The following DNASE1 variants were observed in gnomAD, a reference collection of about 807,000 sequenced individuals.
DNASE1 encodes the protein deoxyribonuclease 1, also known as deoxyribonuclease-1.
In DNASE1, 40 loss-of-function variants were observed where a neutral mutation model predicts 33.9. The ratio of observed to expected loss-of-function variants is 1.18; its 90% CI spans 0.92 to 1.54. The LOEUF (loss-of-function observed/expected upper bound fraction) is 1.54. Ranked by LOEUF, DNASE1 falls within the 40% of genes most tolerant of loss-of-function variation. The pLI is 0.00. For missense variants in DNASE1, 518 were observed against 372.6 expected (o/e 1.39, Z -3.21); for synonymous variants, 216 against 160.0 (o/e 1.35, Z -2.64).
chr16:3,623,780 A>C (rs1010257515), intron 1 of DNASE1, among the ~76,000 whole-genome samples: 1 of 152,166 alleles, frequency 6.6e-6, no homozygotes, highest in African/African-American at 2.4e-5. Flanking sequence ...AAGTGAAGAC[A>C]TACAAGCGGC....
At chr16:3,645,805 A>G (rs2042156574) in intron 1 of DNASE1, among the ~76,000 whole-genome samples, 2 of 152,208 alleles carry the variant, frequency 1.3e-5, no homozygotes, top group Non-Finnish European at 2.9e-5. Flanking sequence ...TTTCTTTATT[A>G]TAAACAGAAA....
At chr16:3,639,032 T>C (rs146930123), upstream of DNASE1, among the ~76,000 whole-genome samples, 6 of 152,224 alleles carry the variant, frequency 3.9e-5, no homozygotes, top group South Asian at 2.1e-4. Context: ...TGTCCTTGTC[T>C]GCTAGTTCCT....
rs76131562 is a variant in DNASE1, at chr16:3,618,855, G to A, written c.-1359+6849G>A. 1.0e-2 allele frequency among the ~76,000 whole-genome samples: 1,522 copies of A among 152,212 alleles called. 25 individuals are homozygous for A. The highest frequency in any genetic ancestry group is 0.035 in the African/African-American group (1,452 of 41,522). ...TTACACTGAACATTTGCTTATTTCCGTTTTGTAATTTTTTTTTAGTGACAA... is the reference window on the plus strand; with the variant it reads ...TTACACTGAACATTTGCTTATTTCCATTTTGTAATTTTTTTTTAGTGACAA... On this transcript the variant is annotated intron_variant and NMD_transcript_variant, in intron 1 of 11. Coordinates refer to the DNASE1 transcript ENST00000570769.
chr16:3,630,819 T>TAG (rs1377723774), intron 1 of DNASE1, among the ~76,000 whole-genome samples: 3 of 152,006 alleles, frequency 2.0e-5, no homozygotes, highest in Non-Finnish European at 4.4e-5. Context: ...CTGAGCAACA[T>TAG]AGAGAGACCC....
chr16:3,649,756 T>A (rs766214455), upstream of DNASE1, among the ~76,000 whole-genome samples: 1 of 152,166 alleles, frequency 6.6e-6, no homozygotes, highest in African/African-American at 2.4e-5. Flanking sequence ...CTGGGTAGTG[T>A]CCTGGGACCC....
rs778516895 is a variant in DNASE1, at chr16:3,657,337, G to C, written c.700G>C (p.Asp234His). 4 of 1,613,096 alleles carry C rather than the reference G, an allele frequency of 2.5e-6. No homozygotes were observed. In the South Asian group the frequency reaches 3.3e-5, roughly 13 times the overall value. The change falls in exon 7 of 9, where the codon GAC becomes CAC. Residue 234 changes from aspartate to histidine, a missense_variant. Physicochemically the swap from Asp to His is moderately conservative, Grantham distance 81. Transcript: ENST00000246949. ...TTATPTHCAY[D>H]RIVVAGMLLR... ...AGCTACACCCACGCACTGTGCCTAT[G>C]ACAGGTGAGCAGGGCCTCGCGCTTA...
At chr16:3,642,289 C>T (rs561707057), upstream of DNASE1, among the ~76,000 whole-genome samples, 6 of 152,362 alleles carry the variant, frequency 3.9e-5, no homozygotes, top group African/African-American at 1.4e-4. Context: ...CTGCCATGCC[C>T]TCCCATTAGG....
intron 4 of DNASE1, among the ~76,000 whole-genome samples, chr16:3,656,416 C>G (rs1395765808): frequency 8.1e-6 from 1 of 123,828 alleles, no homozygotes; most frequent in African/African-American, 3.4e-5. Flanking sequence ...GAGCAGGTGC[C>G]TGGCTCCCCC....
chr16:3,658,465 C>T (rs750841749), downstream of DNASE1: 39 of 580,944 alleles, frequency 6.7e-5, no homozygotes, highest in Middle Eastern at 4.5e-4. Flanking sequence ...CGGTGGCTCA[C>T]GAGGTCAGGA....
chr16:3,626,962 C>T (rs978999143), intron 1 of DNASE1, among the ~76,000 whole-genome samples: 1 of 152,046 alleles, frequency 6.6e-6, no homozygotes, highest in East Asian at 1.9e-4. Context: ...GCTTTGAACT[C>T]CTGAGCTCCA....
intron 1 of DNASE1, among the ~76,000 whole-genome samples, chr16:3,618,174 A>T (rs112421201): frequency 1.3e-5 from 2 of 151,938 alleles, no homozygotes; most frequent in Non-Finnish European, 2.9e-5. Context: ...GATGATCAGC[A>T]TCATGAATCG....
Position 3,658,005 on chromosome 16 carries a change from C to T in DNASE1, c.*52C>T. On this transcript the variant is annotated 3_prime_UTR_variant, in exon 9 of 9. Transcript: ENST00000246949. ...TGCAGGAAGAGAGGACCCATCCTGC[C>T]ACAGGACCCAGAAAAAAAGCCCAAC... 6.2e-7 allele frequency: 1 copy of T among 1,611,738 alleles called. No individual in the cohort carries two copies. Among genetic ancestry groups the T allele is most frequent in the South Asian group, 1.1e-5 (1 of 90,902 alleles).
chr16:3,655,564 A>G, intron 2 of DNASE1, 44 bp downstream of exon 2: 1 of 1,613,122 alleles, frequency 6.2e-7, no homozygotes, highest in Non-Finnish European at 8.5e-7. Flanking sequence ...GGAGCTCTGG[A>G]GTCTAGGGCT....
At chr16:3,640,346 C>T (rs997842867), upstream of DNASE1, among the ~76,000 whole-genome samples, 2 of 152,214 alleles carry the variant, frequency 1.3e-5, no homozygotes, top group African/African-American at 2.4e-5. Context: ...CAAATAGCAG[C>T]AGCCTTGGCC....
chr16:3,657,744 C>T lies in DNASE1; in HGVS notation c.729C>T (p.Leu243=), dbSNP rs949035427. ...YDRIVVAGML[L]RGAVVPDSAL... ...GGATCGTGGTTGCAGGGATGCTGCT[C>T]CGAGGCGCCGTTGTTCCCGACTCGG... Residue 243 remains leucine, a synonymous_variant, in exon 8 of 9, where the codon CTC becomes CTT. Transcript: ENST00000246949. 6 of 1,613,782 alleles carry T rather than the reference C, an allele frequency of 3.7e-6. No homozygotes were observed. The highest frequency in any genetic ancestry group is 5.1e-6 in the Non-Finnish European group (6 of 1,179,952).
At position 3,657,032 on chromosome 16, in the gene DNASE1, C is replaced by T. The variant is rs143407371; in HGVS notation, c.470C>T (p.Ala157Val). The change falls in exon 6 of 9, where the codon GCG becomes GTG. Residue 157 changes from alanine to valine, a missense_variant. By Grantham distance (64) the Ala-to-Val change is moderately conservative. Coordinates refer to ENST00000246949, the MANE Select transcript of DNASE1 (RefSeq NM_005223.4). Reference protein sequence around the residue: ...VREFAIVPLHAAPGDAVAEID... With the variant: ...VREFAIVPLHVAPGDAVAEID... ...GAGTTTGCCATTGTTCCCCTGCATG[C>T]GGCCCCGGGGGACGCAGTAGCCGAG... is the stretch of plus-strand genomic sequence containing the variant. The T allele has an allele frequency of 3.0e-5, 48 of 1,613,524 alleles. 1 individual carries two copies. Among genetic ancestry groups the T allele is most frequent in the Non-Finnish European group, 3.8e-5 (45 of 1,179,916 alleles).
intron 1 of DNASE1, among the ~76,000 whole-genome samples, chr16:3,646,910 C>T (rs2151199196): frequency 6.6e-6 from 1 of 152,104 alleles, no homozygotes; most frequent in East Asian, 1.9e-4. Flanking sequence ...ATGGTGGTGG[C>T]ACTATAGACA....
chr16:3,612,833 G>A (rs2040950790), intron 1 of DNASE1, among the ~76,000 whole-genome samples: 1 of 152,190 alleles, frequency 6.6e-6, no homozygotes, highest in African/African-American at 2.4e-5. Flanking sequence ...GGAGCGAAAA[G>A]AATGGAGAAA....
exon 10 of DNASE1, chr16:3,664,572 C>A: frequency 1.6e-6 from 2 of 1,212,294 alleles, no homozygotes; most frequent in South Asian, 1.4e-5. Context: ...TCCAGGCTGG[C>A]CCTGACCCGA....
Sources: gnomAD v4.1 joint callset for allele counts (sites outside exome capture counted in the v4.1 genomes callset) on GRCh38, gnomAD v4.1.1 for gene constraint, MANE v1.5 for transcripts, NCBI Gene and HGNC (gene_info 2026-07-23, HGNC 2026-07-21) for gene names.